KRTDAP: variants seen among roughly 807,000 people sequenced by gnomAD.
The protein encoded by KRTDAP is keratinocyte differentiation associated protein.
A neutral mutation model predicts 18.6 loss-of-function variants in KRTDAP; 14 were observed. That is an observed-to-expected ratio of 0.75 (90% CI 0.50 to 1.18). KRTDAP has a LOEUF of 1.18. KRTDAP is among the 50% of genes most tolerant of loss of function. KRTDAP has a pLI of 0.00. For synonymous variants in KRTDAP, 53 were observed against 49.5 expected (o/e 1.07, Z -0.29); for missense variants, 114 against 121.3 (o/e 0.94, Z 0.28).
chr19:35,489,571 T>G (rs142133398), intron 1 of KRTDAP, among the ~76,000 whole-genome samples: 1 of 152,266 alleles, frequency 6.6e-6, no homozygotes, highest in East Asian at 1.9e-4. Context: ...AAGCTGCCCT[T>G]TCAGACTGGG....
chr19:35,488,108 C>A (rs1053415727), intron 4 of KRTDAP, among the ~76,000 whole-genome samples: 1 of 152,220 alleles, frequency 6.6e-6, no homozygotes. Flanking sequence ...AGCTCTGTCG[C>A]TGACTTTGCC....
At position 35,488,428 on chromosome 19, in the gene KRTDAP, C is replaced by T. The variant is rs1355967513; in HGVS notation, c.213+13G>A. The T allele has an allele frequency of 6.2e-7, 1 of 1,611,514 alleles. No homozygotes were observed. The highest frequency in any genetic ancestry group is 8.5e-7 in the Non-Finnish European group (1 of 1,179,214). ...AGACAACCGAGGAGGGCAAGGGGCGCCGGAGCACTCACCTCAAAGAGGGCG... is the reference window on the plus strand; with the variant it reads ...AGACAACCGAGGAGGGCAAGGGGCGTCGGAGCACTCACCTCAAAGAGGGCG... On this transcript the variant is annotated intron_variant, in intron 4 of 5. Transcript: ENST00000338897.
Position 35,490,404 on chromosome 19 carries a change from G to C in KRTDAP, c.39C>G (p.Ser13=), listed in dbSNP as rs764641357. Residue 13 remains serine (S), a synonymous_variant, in exon 1 of 6, where the codon TCC becomes TCG. Coordinates refer to ENST00000338897, the MANE Select transcript of KRTDAP (RefSeq NM_207392.3). ...IPVLPAVVLL[S]LLVLHSAQGA... ...CCTGGGCAGAGTGGAGCACCAGGAG[G>C]GAGAGGAGCACCACGGCAGGAAGGA... 6 of 1,613,800 alleles carry C rather than the reference G, an allele frequency of 3.7e-6. No homozygotes were observed. Among genetic ancestry groups the C allele is most frequent in the Middle Eastern group, 1.7e-4 (1 of 6,010 alleles).
chr19:35,488,815 G>A lies in KRTDAP; in HGVS notation c.113C>T (p.Ala38Val), dbSNP rs746077298. 3.3e-5 allele frequency: 53 copies of A among 1,613,982 alleles called. No individual in the cohort carries two copies. The Admixed American group carries it at 8.2e-4, about 25-fold the overall frequency. The change falls in exon 2 of 6, where the codon GCG (alanine) becomes GTG (valine). Residue 38 changes from alanine to valine, a missense_variant. Transcript: ENST00000338897. Reference protein sequence around the residue: ...PEEESTIENYASRPEAFNTPF... With the variant: ...PEEESTIENYVSRPEAFNTPF... Reference sequence around the variant, plus strand: ...CAGACGGCTTACCTCGGGTCGTGACGCATAATTCTCAATGGTGCTTTCTTC... The same window carrying A: ...CAGACGGCTTACCTCGGGTCGTGACACATAATTCTCAATGGTGCTTTCTTC...
intron 1 of KRTDAP, among the ~76,000 whole-genome samples, chr19:35,489,429 C>T (rs2067510454): frequency 6.6e-6 from 1 of 152,134 alleles, no homozygotes; most frequent in African/African-American, 2.4e-5. Context: ...AAAATTTGGT[C>T]ATTTGTTTTT....
intron 1 of KRTDAP, among the ~76,000 whole-genome samples, 200 bp from the exon 2 acceptor site, chr19:35,489,040 A>G (rs2067508533): frequency 6.6e-6 from 1 of 152,242 alleles, no homozygotes; most frequent in African/African-American, 2.4e-5. Context: ...GGAGAATGGT[A>G]CATGTAAGCA....
intron 1 of KRTDAP, among the ~76,000 whole-genome samples, chr19:35,489,261 T>C (rs1190348814): frequency 6.6e-6 from 1 of 152,184 alleles, no homozygotes; most frequent in African/African-American, 2.4e-5. Context: ...TGATCGAGGT[T>C]GCTTTGCTTT....
chr19:35,488,692 G>C lies in KRTDAP; in HGVS notation c.138C>G (p.Thr46=). 3 of 1,614,174 alleles carry C rather than the reference G, an allele frequency of 1.9e-6. No homozygotes were observed. The highest frequency in any genetic ancestry group is 1.7e-6 in the Non-Finnish European group (2 of 1,180,032). The change falls in exon 3 of 6, where the codon ACC becomes ACG. Residue 46 remains threonine, a synonymous_variant. Coordinates refer to ENST00000338897, the MANE Select transcript of KRTDAP (RefSeq NM_207392.3). ...NYASRPEAFN[T]PFLNIDKLRS... Reference sequence around the variant, plus strand: ...GCAATTTGTCGATGTTCAGGAACGGGGTGTTAAAGGCCTAGGCAGAAACGC... The same window carrying C: ...GCAATTTGTCGATGTTCAGGAACGGCGTGTTAAAGGCCTAGGCAGAAACGC...
chr19:35,487,509 G>C, intron 5 of KRTDAP, 43 bp from the exon 6 acceptor site: 1 of 1,526,264 alleles, frequency 6.6e-7, no homozygotes, highest in African/African-American at 1.4e-5. Context: ...ACCCGTGGGT[G>C]CCCAGTATAG....
At chr19:35,488,879 G>A (rs765261130) in intron 1 of KRTDAP, 39 bp from the exon 2 acceptor site, 20 of 1,600,462 alleles carry the variant, frequency 1.2e-5, no homozygotes, top group South Asian at 7.8e-5. Context: ...AGGGGGTCAC[G>A]TGATGCCAGG....
At chr19:35,488,325 G>T in intron 4 of KRTDAP, 116 bp downstream of exon 4, 1 of 1,060,050 alleles carries the variant, frequency 9.4e-7, no homozygotes, top group Non-Finnish European at 1.4e-6. Context: ...AGGCAGGACA[G>T]TCACTCCCTC....
chr19:35,488,218 G>C (rs1167951479), intron 4 of KRTDAP, among the ~76,000 whole-genome samples: 1 of 152,082 alleles, frequency 6.6e-6, no homozygotes, highest in Non-Finnish European at 1.5e-5. Context: ...TTGTCCTTGG[G>C]GCCCTGCTCC....
chr19:35,488,768 G>T (rs1164116826), intron 2 of KRTDAP, 34 bp downstream of exon 2: 1 of 1,614,136 alleles, frequency 6.2e-7, no homozygotes, highest in South Asian at 1.1e-5. Context: ...GGACAGACTC[G>T]TGGCTGGAGG....
At chr19:35,488,526 G>T in intron 3 of KRTDAP, 41 bp from the exon 4 acceptor site, 1 of 1,611,356 alleles carries the variant, frequency 6.2e-7, no homozygotes, top group Non-Finnish European at 8.5e-7. Context: ...TCAGCTCCAG[G>T]GGAGGCCAGA....
At chr19:35,487,584 G>T in intron 5 of KRTDAP, 118 bp from the exon 6 acceptor site, 1 of 1,153,558 alleles carries the variant, frequency 8.7e-7, no homozygotes, top group Non-Finnish European at 1.3e-6. Context: ...ATATGTAGTA[G>T]CTAAGACCTC....
In KRTDAP at chr19:35,487,867, C is replaced by T. The variant is rs1456705366; in HGVS notation, c.214-108G>A. ...ACAGTAACCATAGTAACAATAATGT[C>T]ATTATTTTGTCATTACTTTATCAAG... is the stretch of plus-strand genomic sequence containing the variant. On this transcript the variant is annotated intron_variant, in intron 4 of 5. Coordinates refer to ENST00000338897, the MANE Select transcript of KRTDAP (RefSeq NM_207392.3). The T allele has an allele frequency of 6.8e-6, 5 of 737,314 alleles. No homozygotes were observed. In the East Asian group the frequency reaches 1.2e-4, roughly 18 times the overall value. The allele number at this position is 737,314 out of a possible 1,614,324, so 45.7% of individuals were successfully genotyped here. A position where few individuals can be genotyped will look rare whatever the true frequency, so the allele number is the denominator to read the frequency against.
In KRTDAP at chr19:35,488,526, G is replaced by C; in HGVS notation, c.169-41C>G. 4 of 1,611,356 alleles carry C rather than the reference G, an allele frequency of 2.5e-6. No homozygotes were observed. In the South Asian group the frequency reaches 4.4e-5, roughly 18 times the overall value. On this transcript the variant is annotated intron_variant, in intron 3 of 5. Coordinates refer to ENST00000338897, the MANE Select transcript of KRTDAP (RefSeq NM_207392.3). ...GACAGCAGAAGCAGGTCAGCTCCAG[G>C]GGAGGCCAGAGCTTAGCCCCCAGCC...
intron 3 of KRTDAP, 29 bp from the exon 4 acceptor site, chr19:35,488,514 G>T (rs2067504412): frequency 6.2e-6 from 10 of 1,613,614 alleles, no homozygotes; most frequent in Non-Finnish European, 8.5e-6. Context: ...AGCAGAAGCA[G>T]GTCAGCTCCA....
rs374962384 is a variant in KRTDAP, at chr19:35,487,503, G to A, written c.262-37C>T. ...GGGGTCAGGGTTAGATGGGGAACCC[G>A]TGGGTGCCCAGTATAGGATGGCATG... On this transcript the variant is annotated intron_variant, in intron 5 of 5. Transcript: ENST00000338897. 53 of 1,561,930 alleles carry A rather than the reference G, an allele frequency of 3.4e-5. 1 individual carries two copies. The East Asian group carries it at 5.4e-4, about 16-fold the overall frequency.
Sources: gnomAD v4.1 joint callset for allele counts (sites outside exome capture counted in the v4.1 genomes callset) on GRCh38, gnomAD v4.1.1 for gene constraint, MANE v1.5 for transcripts, NCBI Gene and HGNC (gene_info 2026-07-23, HGNC 2026-07-21) for gene names.